The following MYBPC2 variants were observed in gnomAD, a reference collection of about 807,000 sequenced individuals.
MYBPC2 encodes the protein myosin binding protein C2.
Under a neutral mutation model 137.0 loss-of-function variants are expected in MYBPC2, and 122 were observed. The ratio of observed to expected loss-of-function variants is 0.89; its 90% CI spans 0.77 to 1.03. MYBPC2 has a LOEUF of 1.03. Ranked by LOEUF, MYBPC2 falls within the 50% of genes least tolerant of loss-of-function variation. The pLI is 0.00. For synonymous variants in MYBPC2, 626 were observed against 612.3 expected, an observed-to-expected ratio of 1.02 and a Z score of -0.33; for missense variants, 1,500 against 1,534.4, an observed-to-expected ratio of 0.98 and a Z score of 0.37.
rs1213100438 is a variant in MYBPC2, at chr19:50,443,492, A to G, written c.903-2A>G. ...TGGTTTGAGGTGAGACTTTTGAATC[A>G]GGTACGTGTTTGAGAACGTTGGTAA... On this transcript the variant is annotated splice_acceptor_variant, in intron 9 of 27. Transcript: ENST00000357701. LOFTEE classifies it high-confidence loss of function. The G allele has an allele frequency of 6.2e-7, 1 of 1,612,828 alleles. No individual in the cohort carries two copies.
chr19:50,435,297 C>T lies in MYBPC2; in HGVS notation c.109+47C>T, dbSNP rs7258429. ...CTCAACCGACCTGGCTTCTCATCTC[C>T]ATCCTCCTCGCTACGCCTCTCCAGG... On this transcript the variant is annotated intron_variant, in intron 2 of 27. Coordinates refer to ENST00000357701, the MANE Select transcript of MYBPC2 (RefSeq NM_004533.4). The surrounding 1 kb of genome is among the most constrained non-coding windows in gnomAD (Gnocchi z 4.8). 0.018 allele frequency: 13,530 copies of T among 734,418 alleles called. 1,226 individuals carry two copies. The African/African-American group carries it at 0.2, about 11-fold the overall frequency. The allele number at this position is 734,418 out of a possible 1,614,324, so 45.5% of individuals were successfully genotyped here.
chr19:50,437,561 TGGGA>T, intron 6 of MYBPC2, 40 bp downstream of exon 6: 14 of 1,601,950 alleles, frequency 8.7e-6, no homozygotes, highest in Non-Finnish European at 1.2e-5. Flanking sequence ...CCAAGGACCA[TGGGA>T]GGCTCTCCCT....
intron 11 of MYBPC2, among the ~76,000 whole-genome samples, chr19:50,444,222 T>TCATCCATCCATC (rs766978378): frequency 1.4e-5 from 2 of 142,584 alleles, no homozygotes; most frequent in African/African-American, 2.7e-5. Flanking sequence ...ATCCATCCAC[T>TCATCCATCCATC]CATCCATCCA....
chr19:50,435,116 G>A lies in MYBPC2; in HGVS notation c.20-45G>A. ...TCCTGCGTCTGAGGGAGGGGCATGG[G>A]TGTGCAGACCGCATGCTCAACTATG... On this transcript the variant is annotated intron_variant, in intron 1 of 27. Coordinates refer to ENST00000357701, the MANE Select transcript of MYBPC2 (RefSeq NM_004533.4). The surrounding 1 kb of genome is among the most constrained non-coding windows in gnomAD (Gnocchi z 4.8). 1 of 761,540 alleles carries A rather than the reference G, an allele frequency of 1.3e-6. No homozygotes were observed. The highest frequency in any genetic ancestry group is 2.6e-5 in the East Asian group (1 of 38,214). The allele number at this position is 761,540 out of a possible 1,614,324, so 47.2% of individuals were successfully genotyped here.
chr19:50,448,762 T>C (rs1471557722), intron 13 of MYBPC2, among the ~76,000 whole-genome samples: 1 of 137,602 alleles, frequency 7.3e-6, no homozygotes, highest in Non-Finnish European at 1.5e-5. Flanking sequence ...GCCTGGACTT[T>C]TTCTTTTCTT....
chr19:50,456,808 T>C (rs1232599805), intron 20 of MYBPC2, among the ~76,000 whole-genome samples: 1 of 151,996 alleles, frequency 6.6e-6, no homozygotes, highest in Non-Finnish European at 1.5e-5. Flanking sequence ...TCTACCTATA[T>C]GGCCATCCAA....
rs1034862029 is a variant in MYBPC2 at position 50,465,223 on chromosome 19, C to T, written c.3415+691C>T. On this transcript the variant is annotated intron_variant, in intron 27 of 27. Transcript: ENST00000357701. This position sits in a 1 kb window ranked among gnomAD's most constrained non-coding sequence, Gnocchi z 4.5. ...GGTGTTCACGGTGGTGTGTCCACCC[C>T]GGTTCTTCCCACATGATGTCCCAGC... 1.1e-4 allele frequency among the ~76,000 whole-genome samples: 17 copies of T among 152,070 alleles called. No homozygotes were observed. Among genetic ancestry groups the T allele is most frequent in the African/African-American group, 3.9e-4 (16 of 41,412 alleles).
rs373184181 is a variant in MYBPC2 at position 50,454,094 on chromosome 19, G to T, written c.1824G>T (p.Ala608=). Residue 608 remains alanine (A), a synonymous_variant, in exon 17 of 28, where the codon GCG becomes GCT. Coordinates refer to ENST00000357701, the MANE Select transcript of MYBPC2 (RefSeq NM_004533.4). ...GCAGCAGCTTTGTGATTGAGAGTGCGCAGCGGGAAGACGAGGGCCGCTACA... is the reference window on the plus strand; with the variant it reads ...GCAGCAGCTTTGTGATTGAGAGTGCTCAGCGGGAAGACGAGGGCCGCTACA... ...VDCSSFVIES[A]QREDEGRYTI... is the part of the protein sequence containing the mutation. The T allele has an allele frequency of 1.2e-6, 2 of 1,611,932 alleles. No individual in the cohort carries two copies. The highest frequency in any genetic ancestry group is 3.4e-5 in the Admixed American group (2 of 59,672).
rs1214656129 is a variant in MYBPC2, at chr19:50,435,165, C to T, written c.24C>T (p.Ala8=). The change falls in exon 2 of 28, where the codon GCC becomes GCT. Residue 8 remains alanine, a synonymous_variant. Coordinates refer to ENST00000357701, the MANE Select transcript of MYBPC2 (RefSeq NM_004533.4). The surrounding 1 kb of genome is among the most constrained non-coding windows in gnomAD (Gnocchi z 4.8). ...TGACTGTCCCCTACCTTACAGCGGC[C>T]AAAAAGGCCCCCAAAGGCAAAGATG... MPEAKPA[A]KKAPKGKDAP... 2.3e-6 allele frequency: 3 copies of T among 1,325,352 alleles called. No homozygotes were observed. The highest frequency in any genetic ancestry group is 2.2e-6 in the Non-Finnish European group (2 of 922,484). The allele number at this position is 1,325,352 out of a possible 1,614,324, so 82.1% of individuals were successfully genotyped here.
rs757429155 is a variant in MYBPC2, at chr19:50,460,095, G to C, written c.2847G>C (p.Ala949=). The stretch of plus-strand genomic sequence containing the variant: ...TGAAGGAGGTGTGGGGCACGAACGC[G>C]CTGGTGGAGTGGCAGGCCCCCAAAG... ...VMVKEVWGTN[A]LVEWQAPKDD... is the part of the protein sequence containing the mutation. Residue 949 remains alanine (A), a synonymous_variant, in exon 24 of 28, where the codon GCG becomes GCC. Coordinates refer to ENST00000357701, the MANE Select transcript of MYBPC2 (RefSeq NM_004533.4). 4.4e-6 allele frequency: 7 copies of C among 1,578,498 alleles called. No homozygotes were observed. Among genetic ancestry groups the C allele is most frequent in the Non-Finnish European group, 6.0e-6 (7 of 1,162,608 alleles).
intron 1 of MYBPC2, among the ~76,000 whole-genome samples, chr19:50,434,833 G>A (rs1283430416): frequency 6.6e-6 from 1 of 152,204 alleles, no homozygotes; most frequent in African/African-American, 2.4e-5. Context: ...CCAGCCCAGA[G>A]GGAGAGCTAA....
chr19:50,458,843 G>A, intron 21 of MYBPC2, 75 bp from the exon 22 acceptor site: 3 of 1,595,546 alleles, frequency 1.9e-6, no homozygotes, highest in Admixed American at 1.7e-5. Context: ...CCTCCCCAGA[G>A]AGCCTTATCA....
intron 8 of MYBPC2, 33 bp from the exon 9 acceptor site, chr19:50,442,148 G>A (rs763006786): frequency 1.3e-5 from 21 of 1,564,856 alleles, no homozygotes; most frequent in South Asian, 1.3e-4. Flanking sequence ...AGGACCACAC[G>A]CCTCCATCCC....
At chr19:50,444,428 G>A (rs1946545486) in intron 11 of MYBPC2, among the ~76,000 whole-genome samples, 1 of 151,948 alleles carries the variant, frequency 6.6e-6, no homozygotes, top group South Asian at 2.1e-4. Context: ...TCAATCCAGA[G>A]ATCTATCCAT....
chr19:50,434,406 T>C (rs908545940), intron 1 of MYBPC2, among the ~76,000 whole-genome samples: 1 of 152,030 alleles, frequency 6.6e-6, no homozygotes, highest in South Asian at 2.1e-4. Context: ...ACCTTCTCTG[T>C]AGGATATGGG....
chr19:50,441,116 G>A, intron 8 of MYBPC2, 40 bp downstream of exon 8: 1 of 1,525,510 alleles, frequency 6.6e-7, no homozygotes, highest in South Asian at 1.2e-5. Flanking sequence ...CTGCACACAA[G>A]GGACCCCTAG....
At chr19:50,456,525 G>A (rs1161860586) in intron 20 of MYBPC2, among the ~76,000 whole-genome samples, 1 of 150,258 alleles carries the variant, frequency 6.7e-6, no homozygotes, top group Non-Finnish European at 1.5e-5. Context: ...CCACCTTCCA[G>A]GTTCACGCCA....
chr19:50,451,498 G>GCCGACAT (rs1330290040), intron 15 of MYBPC2, among the ~76,000 whole-genome samples, 189 bp downstream of exon 15: 12 of 140,182 alleles, frequency 8.6e-5, no homozygotes, highest in Non-Finnish European at 4.7e-5. Context: ...GGAGCTGACA[G>GCCGACAT]ACGGGGTGGG....
intron 13 of MYBPC2, among the ~76,000 whole-genome samples, chr19:50,450,611 C>T (rs1691655576): frequency 6.6e-6 from 1 of 152,122 alleles, no homozygotes; most frequent in Non-Finnish European, 1.5e-5. Context: ...TATCATTACC[C>T]CTATTTTATA....
Sources: gnomAD v4.1 joint callset for allele counts (sites outside exome capture counted in the v4.1 genomes callset) on GRCh38, gnomAD v4.1.1 for gene constraint, Gnocchi (gnomAD v3.1) non-coding constraint, MANE v1.5 for transcripts, NCBI Gene and HGNC (gene_info 2026-07-23, HGNC 2026-07-21) for gene names.